The following KMO variants were observed in gnomAD, a reference collection of about 807,000 sequenced individuals.
KMO encodes the protein kynurenine 3-monooxygenase.
A neutral mutation model predicts 57.8 loss-of-function variants in KMO; 24 were observed. The observed-to-expected ratio is 0.42, with a 90% CI of 0.30 to 0.58. The LOEUF (loss-of-function observed/expected upper bound fraction) is 0.58, where lower values mean the gene tolerates loss of function less well. Ranked by LOEUF, KMO falls within the 20% of genes least tolerant of loss-of-function variation. KMO has a pLI of 0.22. For synonymous variants in KMO, 210 were observed against 193.6 expected, an observed-to-expected ratio of 1.08 and a Z score of -0.70; for missense variants, 483 against 588.2, an observed-to-expected ratio of 0.82 and a Z score of 1.85.
At chr1:241,582,512 C>T (rs1047218661) in intron 10 of KMO, among the ~76,000 whole-genome samples, 1 of 152,066 alleles carries the variant, frequency 6.6e-6, no homozygotes, top group Non-Finnish European at 1.5e-5. Context: ...TGTCTTCCAG[C>T]TCACTAATTT....
intron 1 of KMO, among the ~76,000 whole-genome samples, chr1:241,542,862 G>A (rs115430725): frequency 0.012 from 1,899 of 152,280 alleles, 42 homozygotes; most frequent in African/African-American, 0.042. Context: ...GGCACTGGCA[G>A]TTATTCCCAA....
chr1:241,532,873 T>C (rs900463432), intron 1 of KMO, among the ~76,000 whole-genome samples: 1 of 152,232 alleles, frequency 6.6e-6, no homozygotes, highest in African/African-American at 2.4e-5. Flanking sequence ...ATAAAAACAT[T>C]TGTTCCGCTT....
intron 8 of KMO, among the ~76,000 whole-genome samples, chr1:241,566,029 ACT>A (rs1459943147): frequency 6.6e-6 from 1 of 151,878 alleles, no homozygotes; most frequent in Non-Finnish European, 1.5e-5. Flanking sequence ...ACATGGAGAA[ACT>A]CTGTCTTTAC....
intron 10 of KMO, among the ~76,000 whole-genome samples, chr1:241,576,530 G>T (rs1662525538): frequency 6.6e-6 from 1 of 152,092 alleles, no homozygotes; most frequent in African/African-American, 2.4e-5. Context: ...AAGTTTTGCT[G>T]GATATAAAAT....
chr1:241,584,635 A>G (rs922023574), intron 10 of KMO, among the ~76,000 whole-genome samples: 1 of 152,190 alleles, frequency 6.6e-6, no homozygotes, highest in Non-Finnish European at 1.5e-5. Flanking sequence ...ATTTCAAGGA[A>G]TCCTAATTTG....
Position 241,595,022 on chromosome 1 carries a change from C to A in KMO, c.*2869C>A. On this transcript the variant is annotated 3_prime_UTR_variant, in exon 15 of 15. Coordinates refer to ENST00000366559, the MANE Select transcript of KMO (RefSeq NM_003679.5). The stretch of plus-strand genomic sequence containing the variant: ...AGTTAGTCCACAAATATTCAGTGGG[C>A]ATCTACTAGGTGACAGCCACTGTGC... 1 of 207,222 alleles carries A rather than the reference C, an allele frequency of 4.8e-6. No individual in the cohort carries two copies. Among genetic ancestry groups the A allele is most frequent in the African/African-American group, 2.3e-5 (1 of 43,346 alleles). 12.8% of individuals were successfully genotyped at this position (207,222 alleles called of 1,614,324 possible).
At chr1:241,577,589 T>G (rs1490840820) in intron 10 of KMO, among the ~76,000 whole-genome samples, 2 of 152,108 alleles carry the variant, frequency 1.3e-5, no homozygotes, top group Admixed American at 1.3e-4. Flanking sequence ...GCTTGGTGTG[T>G]GTACAAGTTC....
intron 10 of KMO, among the ~76,000 whole-genome samples, chr1:241,575,508 T>C (rs909711290): frequency 1.6e-4 from 24 of 152,112 alleles, no homozygotes; most frequent in Non-Finnish European, 2.9e-4. Context: ...ATTTCCATCT[T>C]GATTTCATTG....
chr1:241,574,232 C>T (rs562286063), intron 10 of KMO, among the ~76,000 whole-genome samples: 28 of 152,154 alleles, frequency 1.8e-4, no homozygotes, highest in African/African-American at 6.7e-4. Context: ...CTTTGGACTT[C>T]CTTTTTGTCA....
chr1:241,572,140 C>T (rs1037632914), intron 10 of KMO, among the ~76,000 whole-genome samples: 1 of 152,074 alleles, frequency 6.6e-6, no homozygotes, highest in Non-Finnish European at 1.5e-5. Flanking sequence ...GCTGAGATTA[C>T]AGGCATGAGC....
At position 241,537,203 on chromosome 1, in the gene KMO, C is replaced by T. The variant is rs141244615; in HGVS notation, c.54+4705C>T. On this transcript the variant is annotated intron_variant, in intron 1 of 14. Coordinates refer to ENST00000366559, the MANE Select transcript of KMO (RefSeq NM_003679.5). ...TTGCTAGTCTTTTAACACTAAAATT[C>T]TACTGCTTCTTTTTCACACTTTCTC... Among the ~76,000 whole-genome samples, 744 of 152,294 alleles carry T rather than the reference C, an allele frequency of 4.9e-3. 6 individuals carry two copies. Among genetic ancestry groups the T allele is most frequent in the South Asian group, 0.018 (86 of 4,828 alleles).
In KMO at chr1:241,593,339, T is replaced by C. The variant is rs1194430229; in HGVS notation, c.*1186T>C. The C allele has an allele frequency of 2.3e-6, 1 of 429,850 alleles. No individual in the cohort carries two copies. Among genetic ancestry groups the C allele is most frequent in the Admixed American group, 2.4e-5 (1 of 42,102 alleles). The allele number at this position is 429,850 out of a possible 1,614,324, so 26.6% of individuals were successfully genotyped here. A position where few individuals can be genotyped will look rare whatever the true frequency, so the allele number is the denominator to read the frequency against. On this transcript the variant is annotated 3_prime_UTR_variant, in exon 15 of 15. Coordinates refer to ENST00000366559, the MANE Select transcript of KMO (RefSeq NM_003679.5). ...TAAAAGCACATTTAGTGAAATGTTTTCTTTGGTTCATCCTTCTTTAACAGG... is the reference window on the plus strand; with the variant it reads ...TAAAAGCACATTTAGTGAAATGTTTCCTTTGGTTCATCCTTCTTTAACAGG...
In KMO at chr1:241,532,494, G is replaced by A. The variant is rs141947292; in HGVS notation, c.50G>A (p.Gly17Asp). Residue 17 changes from glycine to aspartate, a missense_variant, in exon 1 of 15, where the codon GGC (glycine) becomes GAC (aspartate). Physicochemically the swap from Gly to Asp is moderately conservative, Grantham distance 94. Transcript: ENST00000366559. Reference protein sequence around the residue: ...QRKKVAVIGGGLVGSLQACFL... With the variant: ...QRKKVAVIGGDLVGSLQACFL... The stretch of plus-strand genomic sequence containing the variant: ...AAAAAAGTAGCTGTCATTGGTGGTG[G>A]CTTGGTAAGAATTTTCAGATGGATT... 6.2e-7 allele frequency: 1 copy of A among 1,606,056 alleles called. No homozygotes were observed. The highest frequency in any genetic ancestry group is 1.3e-5 in the African/African-American group (1 of 74,520).
chr1:241,563,523 G>A (rs1158865811), intron 7 of KMO, among the ~76,000 whole-genome samples: 5 of 136,950 alleles, frequency 3.7e-5, no homozygotes, highest in East Asian at 2.4e-4. Flanking sequence ...AAATGTATTC[G>A]CTAATTTTTT....
At chr1:241,574,258 A>T (rs1662417431) in intron 10 of KMO, among the ~76,000 whole-genome samples, 1 of 152,012 alleles carries the variant, frequency 6.6e-6, no homozygotes, top group Admixed American at 6.6e-5. Context: ...GATGTCCTTC[A>T]TTTCCTTCTC....
Position 241,590,235 on chromosome 1 carries a change from C to A in KMO, c.1232C>A (p.Ala411Asp). 6.2e-7 allele frequency: 1 copy of A among 1,613,866 alleles called. No individual in the cohort carries two copies. Among genetic ancestry groups the A allele is most frequent in the Non-Finnish European group, 8.5e-7 (1 of 1,179,824 alleles). The change falls in exon 14 of 15, where the codon GCT (alanine) becomes GAT (aspartate). Residue 411 changes from alanine to aspartate, a missense_variant. By Grantham distance (126) the Ala-to-Asp change is moderately radical (BLOSUM62 -2). Transcript: ENST00000366559. ...TTTTCCAGAATAAGATACCATGAGG[C>A]TGTGCAGCGTTGGCATTGGCAAAAA... ...VTFSRIRYHE[A>D]VQRWHWQKKV...
chr1:241,537,570 T>A (rs1660793137), intron 1 of KMO, among the ~76,000 whole-genome samples: 1 of 152,186 alleles, frequency 6.6e-6, no homozygotes, highest in African/African-American at 2.4e-5. Context: ...AGTCAGTTAC[T>A]GAGATAACAA....
chr1:241,547,899 C>G (rs923709088), intron 1 of KMO, among the ~76,000 whole-genome samples: 7 of 151,976 alleles, frequency 4.6e-5, no homozygotes, highest in Non-Finnish European at 1.0e-4. Flanking sequence ...TTATTTGAAG[C>G]ATTGTTAACA....
chr1:241,539,447 C>T (rs1442457488), intron 1 of KMO, among the ~76,000 whole-genome samples: 1 of 151,900 alleles, frequency 6.6e-6, no homozygotes, highest in Non-Finnish European at 1.5e-5. Flanking sequence ...CATGGCATTG[C>T]ATTCAGAGTA....
Sources: gnomAD v4.1 joint callset for allele counts (sites outside exome capture counted in the v4.1 genomes callset) on GRCh38, gnomAD v4.1.1 for gene constraint, MANE v1.5 for transcripts, NCBI Gene and HGNC (gene_info 2026-07-23, HGNC 2026-07-21) for gene names.